The following DHRS7B variants were observed in gnomAD, a reference collection of about 807,000 sequenced individuals.
The protein encoded by DHRS7B is dehydrogenase/reductase 7B.
A neutral mutation model predicts 26.4 loss-of-function variants in DHRS7B; 24 were observed. That is an observed-to-expected ratio of 0.91 (90% CI 0.66 to 1.28). The LOEUF is 1.28. Ranked by LOEUF, DHRS7B falls within the 50% of genes most tolerant of loss-of-function variation. The pLI is 0.00. For synonymous variants in DHRS7B, 142 were observed against 166.4 expected (o/e 0.85, Z 1.13); for missense variants, 368 against 419.4 (o/e 0.88, Z 1.07).
At chr17:21,141,769 TA>T (rs527802605) in intron 1 of DHRS7B, among the ~76,000 whole-genome samples, 6 of 149,290 alleles carry the variant, frequency 4.0e-5, no homozygotes, top group African/African-American at 1.5e-4. Context: ...TACAGCAAAA[TA>T]AACTTTAGAT....
In DHRS7B at chr17:21,172,070, C is replaced by G; in HGVS notation, c.73C>G (p.Leu25Val). Residue 25 changes from leucine (L) to valine (V), a missense_variant, in exon 2 of 7, where the codon CTG becomes GTG. Physicochemically the swap from Leu to Val is conservative, Grantham distance 32 (BLOSUM62 1). Transcript: ENST00000395511. ...GGACTTCATCACCTCCACAGCCATC[C>G]TGCCCCTGCTGTTCGGCTGCCTGGG... ...AMDFITSTAI[L>V]PLLFGCLGVF... The G allele has an allele frequency of 6.2e-7, 1 of 1,614,234 alleles. No homozygotes were observed. Among genetic ancestry groups the G allele is most frequent in the Non-Finnish European group, 8.5e-7 (1 of 1,180,032 alleles).
At chr17:21,180,423 A>C (rs1244797146) in intron 3 of DHRS7B, among the ~76,000 whole-genome samples, 3 of 152,112 alleles carry the variant, frequency 2.0e-5, no homozygotes, top group Non-Finnish European at 4.4e-5. Flanking sequence ...CATTTGAGTT[A>C]ATTTTTATAC....
At chr17:21,142,623 A>C (rs1041150500) in intron 1 of DHRS7B, among the ~76,000 whole-genome samples, 1 of 152,168 alleles carries the variant, frequency 6.6e-6, no homozygotes, top group Non-Finnish European at 1.5e-5. Context: ...TAAGAAGTAC[A>C]TTAGTTCCAT....
chr17:21,172,159 G>A lies in DHRS7B; in HGVS notation c.162G>A (p.Val54=), dbSNP rs779385041. The change falls in exon 2 of 7, where the codon GTG becomes GTA. Residue 54 remains valine (V), a synonymous_variant. Coordinates refer to ENST00000395511, the MANE Select transcript of DHRS7B (RefSeq NM_015510.5). ...GGAAGGCCTACCTGCGGAATGCTGTGGTGGTGATCACAGGCGCCACCTCAG... is the reference window on the plus strand; with the variant it reads ...GGAAGGCCTACCTGCGGAATGCTGTAGTGGTGATCACAGGCGCCACCTCAG... ...VRGKAYLRNA[V]VVITGATSGL... The A allele has an allele frequency of 3.1e-6, 5 of 1,613,786 alleles. No homozygotes were observed. In the South Asian group the frequency reaches 5.5e-5, roughly 18 times the overall value.
intron 1 of DHRS7B, among the ~76,000 whole-genome samples, chr17:21,137,043 T>G (rs1317823817): frequency 3.3e-5 from 5 of 150,650 alleles, no homozygotes; most frequent in Non-Finnish European, 7.4e-5. Flanking sequence ...TAATCTCAGC[T>G]CACTGCAACC....
rs773784084 is a variant in DHRS7B, at chr17:21,184,426, C to T, written c.582C>T (p.Ser194=). ...RRQGHIVAIS[S]IQGKMSIPFR... is the part of the protein sequence containing the mutation. ...AAGGCCACATTGTCGCCATCAGCAG[C>T]ATCCAGGGCAAGATGAGCATTCCTT... The change falls in exon 5 of 7, where the codon AGC becomes AGT. Residue 194 remains serine, a synonymous_variant. Transcript: ENST00000395511. 4.3e-6 allele frequency: 7 copies of T among 1,614,124 alleles called. No individual in the cohort carries two copies. Among genetic ancestry groups the T allele is most frequent in the Middle Eastern group, 1.6e-4 (1 of 6,084 alleles).
intron 1 of DHRS7B, among the ~76,000 whole-genome samples, chr17:21,150,202 G>A (rs1361604718): frequency 4.6e-5 from 7 of 151,170 alleles, no homozygotes; most frequent in East Asian, 1.9e-4. Context: ...TATGGCAGAC[G>A]AGGAGGCTGG....
intron 1 of DHRS7B, among the ~76,000 whole-genome samples, chr17:21,150,751 A>C (rs976192919): frequency 2.0e-5 from 3 of 152,258 alleles, no homozygotes; most frequent in African/African-American, 4.8e-5. Context: ...TTATTATTTT[A>C]TAGTTCTAAA....
intron 3 of DHRS7B, among the ~76,000 whole-genome samples, chr17:21,179,586 C>T (rs925482798): frequency 1.3e-5 from 2 of 151,794 alleles, no homozygotes; most frequent in Admixed American, 6.6e-5. Context: ...GGTGACAGAG[C>T]GAGACTCTGT....
At chr17:21,178,580 C>CTT (rs1418720390) in intron 3 of DHRS7B, among the ~76,000 whole-genome samples, 2 of 151,940 alleles carry the variant, frequency 1.3e-5, no homozygotes, top group African/African-American at 4.8e-5. Flanking sequence ...AGAAAGTTCT[C>CTT]TTTTCTCCCT....
At chr17:21,134,759 TC>T (rs994134123) in intron 1 of DHRS7B, among the ~76,000 whole-genome samples, 2 of 152,216 alleles carry the variant, frequency 1.3e-5, no homozygotes, top group African/African-American at 4.8e-5. Flanking sequence ...ACAAATATGT[TC>T]CAAATTTTGT....
intron 1 of DHRS7B, 174 bp downstream of exon 1, chr17:21,127,165 A>T: frequency 6.2e-6 from 4 of 644,566 alleles, no homozygotes; most frequent in Non-Finnish European, 9.7e-6. Flanking sequence ...GACTCAGCCC[A>T]GGCGCTGGGA....
intron 1 of DHRS7B, among the ~76,000 whole-genome samples, chr17:21,130,669 A>G (rs893108173): frequency 3.0e-4 from 45 of 152,218 alleles, no homozygotes; most frequent in Non-Finnish European, 1.0e-4. Flanking sequence ...GTGAAAATTC[A>G]GTTTTAAAAT....
At chr17:21,159,093 C>T (rs989587162) in intron 1 of DHRS7B, among the ~76,000 whole-genome samples, 1 of 151,982 alleles carries the variant, frequency 6.6e-6, no homozygotes, top group African/African-American at 2.4e-5. Context: ...TTGATGACCT[C>T]GGGTATGGTG....
At chr17:21,182,590 G>A (rs1377844443) in intron 3 of DHRS7B, among the ~76,000 whole-genome samples, 1 of 151,960 alleles carries the variant, frequency 6.6e-6, no homozygotes, top group African/African-American at 2.4e-5. Context: ...GTCTCGCCAT[G>A]TTGCCCAGGC....
intron 2 of DHRS7B, among the ~76,000 whole-genome samples, chr17:21,175,220 ACCT>A (rs1567627370): frequency 6.6e-6 from 1 of 152,044 alleles, no homozygotes; most frequent in East Asian, 1.9e-4. Context: ...CTTCCCTCAG[ACCT>A]CTCAGGACCC....
chr17:21,164,030 C>CTTTTTTTTTTTTTTTTTTTTGTTT (rs35189205), intron 1 of DHRS7B, among the ~76,000 whole-genome samples: 1 of 96,976 alleles, frequency 1.0e-5, no homozygotes, highest in African/African-American at 5.1e-5. Context: ...AATTGTTGTG[C>CTTTTTTTTTTTTTTTTTTTTGTTT]TTTTTTTTTT....
intron 3 of DHRS7B, among the ~76,000 whole-genome samples, chr17:21,181,731 T>C (rs1974518006): frequency 6.6e-6 from 1 of 152,244 alleles, no homozygotes; most frequent in African/African-American, 2.4e-5. Context: ...ATTGCTTTCC[T>C]GATTCCCTTT....
At chr17:21,151,461 C>T (rs535966097) in intron 1 of DHRS7B, among the ~76,000 whole-genome samples, 13 of 149,614 alleles carry the variant, frequency 8.7e-5, no homozygotes, top group South Asian at 2.1e-4. Context: ...GGCAGTGAGC[C>T]GAGATCACAC....
Sources: allele counts gnomAD v4.1 joint callset (sites outside exome capture counted in the v4.1 genomes callset), GRCh38; gene constraint gnomAD v4.1.1; transcripts MANE v1.5; gene names NCBI Gene and HGNC (gene_info 2026-07-23, HGNC 2026-07-21).